MFAP3: variants seen among roughly 807,000 people sequenced by gnomAD.
MFAP3 encodes microfibril associated protein 3.
A neutral mutation model predicts 20.5 loss-of-function variants in MFAP3; 8 were observed. The observed-to-expected ratio is 0.39, with a 90% CI of 0.23 to 0.70. The LOEUF (loss-of-function observed/expected upper bound fraction) is 0.70. Among genes scored for constraint, MFAP3 ranks in the 30% least tolerant of loss-of-function variants. The pLI, the probability that MFAP3 is intolerant of heterozygous loss-of-function variation, is 0.44. For missense variants in MFAP3, 398 were observed against 444.6 expected (o/e 0.90, Z 0.94); for synonymous variants, 140 against 154.0 (o/e 0.91, Z 0.67).
chr5:154,041,736 G>A (rs571040224), intron 1 of MFAP3, among the ~76,000 whole-genome samples: 25 of 152,306 alleles, frequency 1.6e-4, no homozygotes, highest in African/African-American at 4.8e-4. Flanking sequence ...CATCATAGAG[G>A]TAAAAGGAGT....
In MFAP3 at chr5:154,053,536, T is replaced by G. The variant is rs149878341; in HGVS notation, c.912T>G (p.Ser304=). Residue 304 remains serine (S), a synonymous_variant, in exon 3 of 3, where the codon TCT becomes TCG. Transcript: ENST00000522782. ...CAGGAGGAGATTCAGATGATGGCTC[T>G]CTGAATGAACAAGGCCAGGAAATAG... ...NSPGGDSDDG[S]LNEQGQEIAV... is the part of the protein sequence containing the mutation. 738 of 1,613,884 alleles carry G rather than the reference T, an allele frequency of 4.6e-4. 1 individual carries two copies. The African/African-American group carries it at 9.0e-3, about 20-fold the overall frequency.
rs1218720829 is a variant in MFAP3, at chr5:154,049,751, T to C, written c.29T>C (p.Leu10Ser). Residue 10 changes from leucine (L) to serine (S), a missense_variant, in exon 2 of 3, where the codon TTA becomes TCA. Physicochemically the swap from Leu to Ser is moderately radical, Grantham distance 145 (BLOSUM62 -2). Coordinates refer to ENST00000522782, the MANE Select transcript of MFAP3 (RefSeq NM_005927.5). ...AAGCTACATTGTTGCTTATTCACTT[T>C]AGTGGCAAGTATTATTGTGCCAGCT... MKLHCCLFT[L>S]VASIIVPAAF... The C allele has an allele frequency of 1.9e-6, 3 of 1,613,552 alleles. No individual in the cohort carries two copies. The highest frequency in any genetic ancestry group is 2.2e-5 in the South Asian group (2 of 91,056).
chr5:154,055,948 A>G lies in MFAP3; in HGVS notation c.*2235A>G, dbSNP rs1472428417. On this transcript the variant is annotated 3_prime_UTR_variant, in exon 3 of 3. Transcript: ENST00000522782. ...TCCCTTGTCTGGGGGTCAGTCCTCT[A>G]AACATCCCTCAGATTTCAGATAGTA... Among the ~76,000 whole-genome samples, 1 of 152,148 alleles carries G rather than the reference A, an allele frequency of 6.6e-6. No homozygotes were observed. The highest frequency in any genetic ancestry group is 2.4e-5 in the African/African-American group (1 of 41,432).
In MFAP3 at chr5:154,049,862, G is replaced by A. The variant is rs572150652; in HGVS notation, c.140G>A (p.Ser47Asn). 1.1e-5 allele frequency: 18 copies of A among 1,613,650 alleles called. No homozygotes were observed. The Admixed American group carries it at 2.7e-4, about 24-fold the overall frequency. Residue 47 changes from serine (S) to asparagine (N), a missense_variant, in exon 2 of 3, where the codon AGC becomes AAC. Physicochemically the swap from Ser to Asn is conservative, Grantham distance 46. Transcript: ENST00000522782. ...RSSYNASFPS[S>N]FELSASSHSD... ...TCTTACAATGCATCCTTTCCCTCAA[G>A]CTTTGAACTCTCAGCAAGTTCCCAC...
intron 1 of MFAP3, among the ~76,000 whole-genome samples, chr5:154,048,112 G>C (rs1434095460): frequency 6.6e-6 from 1 of 152,244 alleles, no homozygotes; most frequent in East Asian, 1.9e-4. Flanking sequence ...CTAACTTGTA[G>C]CATGTCGTAA....
At chr5:154,041,127 CAG>C (rs1397081255) in intron 1 of MFAP3, among the ~76,000 whole-genome samples, 3 of 143,774 alleles carry the variant, frequency 2.1e-5, no homozygotes, top group Admixed American at 1.4e-4. Flanking sequence ...AGGGGACTGA[CAG>C]AGCAAAAAAA....
At chr5:154,041,399 A>G (rs1772948741) in intron 1 of MFAP3, among the ~76,000 whole-genome samples, 1 of 152,262 alleles carries the variant, frequency 6.6e-6, no homozygotes, top group Admixed American at 6.5e-5. Flanking sequence ...GAAACGAATG[A>G]TAATGATAAT....
chr5:154,050,016 A>T lies in MFAP3; in HGVS notation c.294A>T (p.Arg98Ser), dbSNP rs1773151111. ...SKGQQLDGRSRGGKWLVSDNF... is the reference protein window; with the variant it reads ...SKGQQLDGRSSGGKWLVSDNF... ...GACAGCAACTGGATGGCAGAAGCAG[A>T]GGTAATTGGTCAGGGTATAATTAAT... The change falls in exon 2 of 3, where the codon AGA becomes AGT. Residue 98 changes from arginine (R) to serine (S), a missense_variant and splice_region_variant. Transcript: ENST00000522782. 13 of 1,601,644 alleles carry T rather than the reference A, an allele frequency of 8.1e-6. No homozygotes were observed. Among genetic ancestry groups the T allele is most frequent in the Non-Finnish European group, 1.1e-5 (13 of 1,170,706 alleles).
intron 1 of MFAP3, among the ~76,000 whole-genome samples, chr5:154,043,588 A>G (rs187240445): frequency 6.6e-6 from 1 of 152,122 alleles, no homozygotes. Context: ...GGTAATAAAA[A>G]ATTTTATCAA....
chr5:154,050,114 C>T, intron 2 of MFAP3, 97 bp downstream of exon 2: 2 of 1,348,100 alleles, frequency 1.5e-6, no homozygotes, highest in Non-Finnish European at 2.0e-6. Flanking sequence ...AGATAAGGTG[C>T]CAAGGTGAAT....
At position 154,050,377 on chromosome 5, in the gene MFAP3, A is replaced by G. The variant is rs116377807; in HGVS notation, c.295+360A>G. Among the ~76,000 whole-genome samples the G allele has an allele frequency of 4.2e-3, 640 of 152,258 alleles. 3 individuals carry two copies. Among genetic ancestry groups the G allele is most frequent in the Admixed American group, 7.3e-3 (112 of 15,294 alleles). On this transcript the variant is annotated intron_variant, in intron 2 of 2. Coordinates refer to ENST00000522782, the MANE Select transcript of MFAP3 (RefSeq NM_005927.5). ...TCTGGGAGCACCCTTCACCTAGACT[A>G]CTATGTCAGTAGTACAGTGTGGTGG... is the stretch of plus-strand genomic sequence containing the variant.
At chr5:154,050,537 CTG>C (rs1410723040) in intron 2 of MFAP3, among the ~76,000 whole-genome samples, 1 of 150,432 alleles carries the variant, frequency 6.6e-6, no homozygotes, top group Non-Finnish European at 1.5e-5. Flanking sequence ...GAGTATCAAT[CTG>C]TGCATAAAAC....
intron 1 of MFAP3, among the ~76,000 whole-genome samples, chr5:154,046,393 C>T (rs411245): frequency 6.6e-6 from 1 of 151,992 alleles, no homozygotes; most frequent in African/African-American, 2.4e-5. Context: ...TAATCTCCAT[C>T]AATATTTATT....
chr5:154,040,879 A>G (rs1772929006), intron 1 of MFAP3, among the ~76,000 whole-genome samples: 1 of 152,116 alleles, frequency 6.6e-6, no homozygotes, highest in Non-Finnish European at 1.5e-5. Flanking sequence ...CTCCATCAAT[A>G]GTTTCCAGAG....
intron 1 of MFAP3, among the ~76,000 whole-genome samples, chr5:154,045,234 C>T (rs1773049267): frequency 6.6e-6 from 1 of 152,050 alleles, no homozygotes; most frequent in Admixed American, 6.6e-5. Context: ...TGTCTTCCTC[C>T]TAGACCCAAG....
chr5:154,040,786 G>C (rs1002909910), intron 1 of MFAP3, among the ~76,000 whole-genome samples: 1 of 152,164 alleles, frequency 6.6e-6, no homozygotes, highest in African/African-American at 2.4e-5. Context: ...GAAAATTACA[G>C]AGTGAGAAAA....
At chr5:154,052,888 T>TG (rs1194645645) in intron 2 of MFAP3, 32 bp from the exon 3 acceptor site, 2 of 1,394,100 alleles carry the variant, frequency 1.4e-6, no homozygotes, top group Non-Finnish European at 1.9e-6. Flanking sequence ...CTTTTTGCTA[T>TG]AATTTTTTTT....
chr5:154,055,582 C>G lies in MFAP3; in HGVS notation c.*1869C>G, dbSNP rs771686029. Among the ~76,000 whole-genome samples the G allele has an allele frequency of 1.3e-5, 2 of 152,084 alleles. No individual in the cohort carries two copies. On this transcript the variant is annotated 3_prime_UTR_variant, in exon 3 of 3. Coordinates refer to ENST00000522782, the MANE Select transcript of MFAP3 (RefSeq NM_005927.5). ...AAGAGCAAAGGCTCTTGAACATATC[C>G]TAGATTATGGAACACTTTTTCCCTT... is the stretch of plus-strand genomic sequence containing the variant.
chr5:154,049,770 GC>G lies in MFAP3; in HGVS notation c.50del (p.Pro17GlnfsTer46), dbSNP rs1201075717. ...LFTLVASIIVPAAFVLEDVDF... is the reference protein window; with the variant it reads ...LFTLVASIIVXAAFVLEDVDF... ...TCACTTTAGTGGCAAGTATTATTGT[GC>G]CAGCTGCTTTTGTTTTGGAAGATGT... On this transcript the variant is annotated frameshift_variant, in exon 2 of 3. Transcript: ENST00000522782. LOFTEE classifies it high-confidence loss of function. 4 of 1,613,514 alleles carry G rather than the reference GC, an allele frequency of 2.5e-6. No homozygotes were observed. The Admixed American group carries it at 6.7e-5, about 27-fold the overall frequency.
Sources: gnomAD v4.1 joint callset for allele counts (sites outside exome capture counted in the v4.1 genomes callset) on GRCh38, gnomAD v4.1.1 for gene constraint, MANE v1.5 for transcripts, NCBI Gene and HGNC (gene_info 2026-07-23, HGNC 2026-07-21) for gene names.